The following PLAC1 variants were observed in gnomAD, a reference collection of about 807,000 sequenced individuals.
PLAC1 encodes the protein placenta associated 1, also known as placenta-specific protein 1.
For synonymous variants in PLAC1, 68 were observed against 62.1 expected (o/e 1.09, Z -0.44); for missense variants, 136 against 163.2 (o/e 0.83, Z 0.91).
intron 2 of PLAC1, chrX:134,733,295 G>T (rs1253450116): frequency 9.1e-6 from 1 of 110,006 alleles, no homozygotes. Flanking sequence ...TCTGTTGGGG[G>T]AAATCTCTGC....
intron 1 of PLAC1, among the ~76,000 whole-genome samples, chrX:134,655,127 C>A (rs775564031): frequency 9.0e-6 from 1 of 111,058 alleles, no homozygotes; most frequent in South Asian, 4.0e-4. Flanking sequence ...CAGAAAGGTT[C>A]CCCCCATACC....
In PLAC1 at chrX:134,644,944, T is replaced by C. The variant is rs143823919; in HGVS notation, c.-131+13384A>G. On this transcript the variant is annotated intron_variant, in intron 1 of 2. Coordinates refer to ENST00000359237, the MANE Select transcript of PLAC1 (RefSeq NM_021796.4). ...CCATAGGCCAATCCTATTCGAAGAC[T>C]ACTATCGTCAAGTCACTCTCTTGCT... is the stretch of plus-strand genomic sequence containing the variant. Among the ~76,000 whole-genome samples, 591 of 111,892 alleles carry C rather than the reference T, an allele frequency of 5.3e-3. 2 individuals carry two copies. The highest frequency in any genetic ancestry group is 0.018 in the African/African-American group (561 of 30,775).
chrX:134,633,452 T>C (rs1296686851), intron 1 of PLAC1, among the ~76,000 whole-genome samples: 2 of 112,020 alleles, frequency 1.8e-5, no homozygotes, highest in Non-Finnish European at 3.8e-5. Context: ...TTTTCCATTC[T>C]GATTTAAATA....
At chrX:134,696,458 C>G (rs2078563613) in intron 2 of PLAC1, among the ~76,000 whole-genome samples, 1 of 111,975 alleles carries the variant, frequency 8.9e-6, no homozygotes, top group South Asian at 3.7e-4. Context: ...TTCTTACAGC[C>G]TCAGAGAAAA....
At chrX:134,719,685 G>C (rs2078652436) in intron 2 of PLAC1, among the ~76,000 whole-genome samples, 1 of 111,447 alleles carries the variant, frequency 9.0e-6, no homozygotes, top group African/African-American at 3.3e-5. Flanking sequence ...AGCTACTCGG[G>C]AGGCTGAGGT....
intron 2 of PLAC1, among the ~76,000 whole-genome samples, chrX:134,590,009 C>T (rs1000090527): frequency 1.5e-4 from 14 of 95,334 alleles, no homozygotes; most frequent in African/African-American, 5.5e-4. Flanking sequence ...TCCTGGCTAA[C>T]ATGGTGAAAA....
intron 2 of PLAC1, among the ~76,000 whole-genome samples, chrX:134,594,967 C>G (rs1030117416): frequency 2.4e-4 from 26 of 107,524 alleles, no homozygotes; most frequent in Non-Finnish European, 5.0e-4. Context: ...GACTTGAGAC[C>G]TTTCCTCTTT....
intron 2 of PLAC1, among the ~76,000 whole-genome samples, chrX:134,694,475 G>T (rs2078555597): frequency 9.0e-6 from 1 of 111,705 alleles, no homozygotes; most frequent in Admixed American, 9.6e-5. Context: ...CTGTTCAGCT[G>T]TCACCTTCAA....
intron 1 of PLAC1, among the ~76,000 whole-genome samples, chrX:134,631,153 T>C (rs948982778): frequency 8.0e-5 from 9 of 112,416 alleles, no homozygotes. Flanking sequence ...AAGGTCATGA[T>C]GGTATAATAT....
intron 2 of PLAC1, among the ~76,000 whole-genome samples, chrX:134,680,545 G>GAACTGAACTAAACTA (rs761881945): frequency 2.9e-3 from 142 of 49,703 alleles, no homozygotes; most frequent in African/African-American, 7.1e-3. Context: ...AAACTAAACT[G>GAACTGAACTAAACTA]AACTAAACTA....
intron 2 of PLAC1, among the ~76,000 whole-genome samples, chrX:134,701,558 CA>C (rs1200884144): frequency 8.9e-6 from 1 of 111,859 alleles, no homozygotes; most frequent in Non-Finnish European, 1.9e-5. Flanking sequence ...GTCTAATACC[CA>C]AAATCTGTAA....
chrX:134,588,670 G>C (rs17317793), intron 2 of PLAC1, among the ~76,000 whole-genome samples: 4,123 of 110,863 alleles, frequency 0.037, 95 homozygotes, highest in Non-Finnish European at 0.058. Flanking sequence ...CAAGCTGGAG[G>C]AAGTGAGAAG....
At chrX:134,721,651 T>C (rs2078657553) in intron 2 of PLAC1, among the ~76,000 whole-genome samples, 2 of 108,495 alleles carry the variant, frequency 1.8e-5, no homozygotes, top group South Asian at 8.2e-4. Flanking sequence ...GATCACAAGG[T>C]CAGAAGTTCA....
chrX:134,649,497 A>G (rs2078351809), intron 1 of PLAC1, among the ~76,000 whole-genome samples: 2 of 110,546 alleles, frequency 1.8e-5, no homozygotes, highest in Admixed American at 9.6e-5. Context: ...TACACCATGG[A>G]AATCAGCAAA....
At chrX:134,721,777 T>A (rs920686535) in intron 2 of PLAC1, among the ~76,000 whole-genome samples, 1 of 109,969 alleles carries the variant, frequency 9.1e-6, no homozygotes, top group Non-Finnish European at 1.9e-5. Context: ...GCAGGAGAAT[T>A]GCTTGAACCT....
chrX:134,566,853 A>C, intron 2 of PLAC1, 113 bp from the exon 3 acceptor site: 1 of 418,850 alleles, frequency 2.4e-6, no homozygotes, highest in Non-Finnish European at 4.1e-6. Context: ...AGAGGAAAAC[A>C]CTCATTTGAG....
At chrX:134,700,043 C>T (rs922144660) in intron 2 of PLAC1, among the ~76,000 whole-genome samples, 1 of 111,436 alleles carries the variant, frequency 9.0e-6, no homozygotes. Flanking sequence ...TTCCTGCCTC[C>T]TAATTTTTCA....
At chrX:134,583,330 G>A (rs1448813349) in intron 2 of PLAC1, among the ~76,000 whole-genome samples, 2 of 106,462 alleles carry the variant, frequency 1.9e-5, no homozygotes, top group Non-Finnish European at 3.8e-5. Flanking sequence ...GGCCTCAAGC[G>A]ATGCTTCTCC....
At chrX:134,637,360 G>A (rs896598073) in intron 1 of PLAC1, among the ~76,000 whole-genome samples, 6 of 111,568 alleles carry the variant, frequency 5.4e-5, no homozygotes, top group Non-Finnish European at 9.4e-5. Context: ...CCTTGTCAAA[G>A]GGCCATTTCC....
Sources: gnomAD v4.1 joint callset for allele counts (sites outside exome capture counted in the v4.1 genomes callset) on GRCh38, gnomAD v4.1.1 for gene constraint, MANE v1.5 for transcripts, NCBI Gene and HGNC (gene_info 2026-07-23, HGNC 2026-07-21) for gene names.